Variants in CACHD1 observed in about 807,000 individuals in gnomAD.
The protein encoded by CACHD1 is cache domain containing 1.
In CACHD1, 71 loss-of-function variants were observed where a neutral mutation model predicts 138.7. The ratio of observed to expected loss-of-function variants is 0.51; its 90% confidence interval spans 0.42 to 0.62. The LOEUF is 0.62. CACHD1 is among the 20% of genes least tolerant of loss of function. The pLI is 0.00. For missense variants in CACHD1, 1,389 were observed against 1,625.3 expected, an observed-to-expected ratio of 0.85 and a Z score of 2.50; for synonymous variants, 578 against 591.5, an observed-to-expected ratio of 0.98 and a Z score of 0.33.
chr1:64,500,942 G>T (rs1243069598), intron 1 of CACHD1, among the ~76,000 whole-genome samples: 2 of 151,782 alleles, frequency 1.3e-5, no homozygotes, highest in Non-Finnish European at 2.9e-5. Context: ...CCAGGTACTT[G>T]GGAGGCTGAG....
intron 1 of CACHD1, among the ~76,000 whole-genome samples, chr1:64,527,159 C>G (rs767283816): frequency 6.6e-6 from 1 of 152,166 alleles, no homozygotes; most frequent in Non-Finnish European, 1.5e-5. Flanking sequence ...TGGATGAGTG[C>G]AAGTGCAGGA....
chr1:64,590,082 C>T (rs539716730), intron 3 of CACHD1, among the ~76,000 whole-genome samples: 11 of 151,940 alleles, frequency 7.2e-5, no homozygotes, highest in East Asian at 5.8e-4. Context: ...CTGAGGTGGG[C>T]GGATCACGAG....
chr1:64,684,190 G>A (rs761542989), intron 26 of CACHD1, among the ~76,000 whole-genome samples: 35 of 152,084 alleles, frequency 2.3e-4, no homozygotes, highest in African/African-American at 7.0e-4. Context: ...ACGGAGTCTC[G>A]CTCTTGTCAC....
In CACHD1 at chr1:64,653,775, C is replaced by G; in HGVS notation, c.1558C>G (p.Pro520Ala). 6.2e-7 allele frequency: 1 copy of G among 1,612,980 alleles called. No individual in the cohort carries two copies. Among genetic ancestry groups the G allele is most frequent in the Non-Finnish European group, 8.5e-7 (1 of 1,179,244 alleles). ...TATTGCAGGATATACACTTATGCAC[C>G]CATCTCTTACCAGGCCATATTTATT... ...IDDKGYTLMHPSLTRPYLLSE... is the reference protein window; with the variant it reads ...IDDKGYTLMHASLTRPYLLSE... The change falls in exon 11 of 27, where the codon CCA becomes GCA. Residue 520 changes from proline (P) to alanine (A), a missense_variant. Physicochemically the swap from Pro to Ala is conservative, Grantham distance 27. Transcript: ENST00000651257.
rs113381457 is a variant in CACHD1 at position 64,575,132 on chromosome 1, G to T, written c.262-7024G>T. Among the ~76,000 whole-genome samples the T allele has an allele frequency of 6.2e-3, 940 of 152,210 alleles. 10 individuals carry two copies. Among genetic ancestry groups the T allele is most frequent in the African/African-American group, 0.021 (888 of 41,512 alleles). The stretch of plus-strand genomic sequence containing the variant: ...ATAGTAAGAATAATCCCTTGTATTT[G>T]TCCTAGCCTTTGTATATTCACTGTG... On this transcript the variant is annotated intron_variant, in intron 2 of 26. Transcript: ENST00000651257.
intron 1 of CACHD1, among the ~76,000 whole-genome samples, chr1:64,475,415 C>T (rs1043610172): frequency 3.3e-5 from 5 of 152,152 alleles, no homozygotes; most frequent in Non-Finnish European, 2.9e-5. Context: ...ATCCTCCCAC[C>T]TTGGCTTCCC....
chr1:64,631,082 A>G (rs1648287894), intron 5 of CACHD1, among the ~76,000 whole-genome samples: 1 of 152,218 alleles, frequency 6.6e-6, no homozygotes, highest in African/African-American at 2.4e-5. Flanking sequence ...CAGTCATTCT[A>G]TGAGGACTGC....
intron 4 of CACHD1, among the ~76,000 whole-genome samples, chr1:64,625,628 GAA>G (rs918198853): frequency 1.7e-5 from 2 of 118,100 alleles, no homozygotes; most frequent in African/African-American, 4.1e-5. Flanking sequence ...CTCAGTCTCA[GAA>G]AAAAAAAAAA....
intron 1 of CACHD1, among the ~76,000 whole-genome samples, chr1:64,535,848 C>T (rs968352789): frequency 2.0e-5 from 3 of 152,086 alleles, no homozygotes; most frequent in Admixed American, 6.5e-5. Flanking sequence ...TGGTGGGGGG[C>T]CTAGGAATCT....
intron 1 of CACHD1, among the ~76,000 whole-genome samples, chr1:64,480,954 T>C (rs1312094389): frequency 6.6e-6 from 1 of 152,092 alleles, no homozygotes. Context: ...TTTAATTTGA[T>C]GATGGAACAA....
intron 1 of CACHD1, among the ~76,000 whole-genome samples, chr1:64,478,711 G>C (rs1174827665): frequency 2.0e-5 from 3 of 152,064 alleles, no homozygotes; most frequent in African/African-American, 7.2e-5. Context: ...GTACACCCAG[G>C]GTTGCTATAT....
intron 2 of CACHD1, among the ~76,000 whole-genome samples, chr1:64,568,424 C>G (rs1646900591): frequency 6.6e-6 from 1 of 152,102 alleles, no homozygotes; most frequent in African/African-American, 2.4e-5. Flanking sequence ...ACTCCCGGAT[C>G]TCTCTTCCCA....
At chr1:64,478,975 T>TAA (rs76928740) in intron 1 of CACHD1, among the ~76,000 whole-genome samples, 1 of 136,562 alleles carries the variant, frequency 7.3e-6, no homozygotes, top group Non-Finnish European at 1.6e-5. Context: ...TAATTCAGTT[T>TAA]AAAAAAAAAA....
At chr1:64,530,053 C>T (rs941180943) in intron 1 of CACHD1, among the ~76,000 whole-genome samples, 2 of 152,172 alleles carry the variant, frequency 1.3e-5, no homozygotes, top group Non-Finnish European at 2.9e-5. Flanking sequence ...TGAAGTAGCA[C>T]AGTGCCTGGC....
At chr1:64,665,237 T>C (rs1211959635) in intron 15 of CACHD1, among the ~76,000 whole-genome samples, 6 of 151,730 alleles carry the variant, frequency 4.0e-5, no homozygotes, top group African/African-American at 1.2e-4. Context: ...GGTGGATTGC[T>C]CGAGCCTAGG....
chr1:64,673,104 G>GAAAAA, intron 17 of CACHD1, 54 bp from the exon 18 acceptor site: 1 of 1,258,696 alleles, frequency 7.9e-7, no homozygotes, highest in Non-Finnish European at 1.1e-6. Flanking sequence ...GAATACGTTT[G>GAAAAA]AAAAAAAAAA....
At chr1:64,505,173 C>T (rs1233397158) in intron 1 of CACHD1, among the ~76,000 whole-genome samples, 1 of 152,114 alleles carries the variant, frequency 6.6e-6, no homozygotes, top group African/African-American at 2.4e-5. Flanking sequence ...TTTTAAGCTC[C>T]GGATGACCGT....
chr1:64,589,090 A>G, intron 3 of CACHD1, among the ~76,000 whole-genome samples: 1 of 152,200 alleles, frequency 6.6e-6, no homozygotes, highest in East Asian at 1.9e-4. Flanking sequence ...ATATTCTCTC[A>G]GGGGAAACTT....
intron 1 of CACHD1, among the ~76,000 whole-genome samples, chr1:64,500,062 T>G (rs1011120185): frequency 2.6e-5 from 4 of 152,202 alleles, no homozygotes; most frequent in Admixed American, 2.6e-4. Flanking sequence ...GTGGCCTTCT[T>G]CTATCTTGAG....
Sources: gnomAD v4.1 joint callset for allele counts (sites outside exome capture counted in the v4.1 genomes callset) on GRCh38, gnomAD v4.1.1 for gene constraint, MANE v1.5 for transcripts, NCBI Gene and HGNC (gene_info 2026-07-23, HGNC 2026-07-21) for gene names.